Variants in DAPK2 observed in about 807,000 individuals in gnomAD.
DAPK2 encodes death-associated protein kinase 2.
Under a neutral mutation model 44.1 loss-of-function variants are expected in DAPK2, and 35 were observed. The ratio of observed to expected loss-of-function variants is 0.79; its 90% CI spans 0.61 to 1.05. The LOEUF (loss-of-function observed/expected upper bound fraction) is 1.05, where lower values mean the gene tolerates loss of function less well. Ranked by LOEUF, DAPK2 falls within the 50% of genes least tolerant of loss-of-function variation. The pLI, the probability that DAPK2 is intolerant of heterozygous loss-of-function variation, is 0.00. For synonymous variants in DAPK2, 174 were observed against 182.6 expected, an observed-to-expected ratio of 0.95 and a Z score of 0.38; for missense variants, 453 against 483.2, an observed-to-expected ratio of 0.94 and a Z score of 0.59.
At chr15:63,969,945 G>A (rs560429083) in intron 3 of DAPK2, among the ~76,000 whole-genome samples, 4 of 152,272 alleles carry the variant, frequency 2.6e-5, no homozygotes, top group South Asian at 2.1e-4. Flanking sequence ...CAGAACTTGG[G>A]TGTCATCCAG....
intron 1 of DAPK2, among the ~76,000 whole-genome samples, chr15:64,025,844 G>A (rs918995508): frequency 1.3e-5 from 2 of 152,128 alleles, no homozygotes; most frequent in Non-Finnish European, 2.9e-5. Context: ...TGGAAATATG[G>A]ATATTGCGGG....
In DAPK2 at chr15:63,930,412, G is replaced by A. The variant is rs769949444; in HGVS notation, c.627C>T (p.Asp209=). 4 of 1,614,088 alleles carry A rather than the reference G, an allele frequency of 2.5e-6. No homozygotes were observed. In the African/African-American group the frequency reaches 5.3e-5, roughly 22 times the overall value. Residue 209 remains aspartate (D), a synonymous_variant, in exon 5 of 11, where the codon GAC becomes GAT. Transcript: ENST00000261891. ...GAGTGGCCTATCCAACTTACCACAT[G>A]TCAGCCTCCAGACCCAGGGGCTCGT...
chr15:64,003,804 C>A (rs1056696163), intron 1 of DAPK2, among the ~76,000 whole-genome samples: 1 of 152,188 alleles, frequency 6.6e-6, no homozygotes, highest in African/African-American at 2.4e-5. Flanking sequence ...CGGGGTTTCA[C>A]CACGTTGGTC....
At chr15:63,943,107 C>T (rs1567222211) in intron 3 of DAPK2, among the ~76,000 whole-genome samples, 2 of 26,686 alleles carry the variant, frequency 7.5e-5, no homozygotes, top group African/African-American at 1.8e-4. Flanking sequence ...GTTATCATTC[C>T]TTTTGCAAAA....
chr15:63,929,510 G>T, intron 6 of DAPK2, 41 bp downstream of exon 7: 10 of 1,613,336 alleles, frequency 6.2e-6, no homozygotes, highest in Non-Finnish European at 8.5e-6. Context: ...GGTTCCCCCA[G>T]ATCTAAGCTG....
rs1279537698 is a variant in DAPK2, at chr15:64,020,123, C to T, written c.92+20047G>A. On this transcript the variant is annotated intron_variant, in intron 1 of 10. Transcript: ENST00000261891. The surrounding 1 kb of genome is among the most constrained non-coding windows in gnomAD (Gnocchi z 4.5). ...CCCAGCTGAGTAGACAGCCCATGGC[C>T]CAGTAAGAACACTTCACATAATCAT... is the stretch of plus-strand genomic sequence containing the variant. 1.3e-5 allele frequency among the ~76,000 whole-genome samples: 2 copies of T among 152,076 alleles called. No homozygotes were observed. The highest frequency in any genetic ancestry group is 4.8e-5 in the African/African-American group (2 of 41,390).
In DAPK2 at chr15:64,020,390, T is replaced by C. The variant is rs556468184; in HGVS notation, c.92+19780A>G. Among the ~76,000 whole-genome samples the C allele has an allele frequency of 2.0e-5, 3 of 152,314 alleles. No homozygotes were observed. The East Asian group carries it at 5.8e-4, about 29-fold the overall frequency. On this transcript the variant is annotated intron_variant, in intron 1 of 10. Transcript: ENST00000261891. The surrounding 1 kb of genome is among the most constrained non-coding windows in gnomAD (Gnocchi z 4.5). ...TGGAAACTGGGCACTTGCTCTGAAATGGTCAATTTCACAGGGGTCTTCCCC... is the reference window on the plus strand; with the variant it reads ...TGGAAACTGGGCACTTGCTCTGAAACGGTCAATTTCACAGGGGTCTTCCCC...
intron 1 of DAPK2, among the ~76,000 whole-genome samples, chr15:64,025,606 G>T (rs1425959583): frequency 6.6e-6 from 1 of 152,212 alleles, no homozygotes; most frequent in Non-Finnish European, 1.5e-5. Flanking sequence ...TACTGGAGTA[G>T]ATCAGGAGTA....
chr15:63,923,517 G>C lies in DAPK2; in HGVS notation c.858+1299C>G, dbSNP rs1418893345. ...CTCCTTAGGCCATAAGTGAGGTCAA[G>C]GAGTGTGGGGGTGCTGTCTGCATGC... On this transcript the variant is annotated intron_variant, in intron 8 of 10. Transcript: ENST00000261891. This position sits in a 1 kb window ranked among gnomAD's most constrained non-coding sequence, Gnocchi z 4.2. 1.3e-5 allele frequency among the ~76,000 whole-genome samples: 2 copies of C among 152,228 alleles called. No individual in the cohort carries two copies. The highest frequency in any genetic ancestry group is 2.4e-5 in the African/African-American group (1 of 41,466).
At chr15:64,042,936 C>T (rs2080382169), upstream of DAPK2, among the ~76,000 whole-genome samples, 1 of 152,192 alleles carries the variant, frequency 6.6e-6, no homozygotes. The surrounding 1 kb of genome is among the most constrained non-coding windows in gnomAD (Gnocchi z 4.7). Flanking sequence ...TCAAGTTCTC[C>T]CAGAGTGCTC....
intron 1 of DAPK2, among the ~76,000 whole-genome samples, chr15:63,988,652 C>T (rs949128158): frequency 4.0e-5 from 6 of 151,374 alleles, no homozygotes; most frequent in African/African-American, 9.7e-5. Context: ...TTACAGGCAC[C>T]GCGACCATGG....
intron 1 of DAPK2, chr15:63,991,184 AG>A (rs1314621241): frequency 6.6e-6 from 3 of 455,260 alleles, no homozygotes; most frequent in Non-Finnish European, 1.3e-5. Flanking sequence ...GAAACAGGTC[AG>A]GGTTTTAGGC....
intron 3 of DAPK2, among the ~76,000 whole-genome samples, chr15:63,957,115 T>C (rs551535397): frequency 2.0e-5 from 3 of 152,392 alleles, no homozygotes; most frequent in Non-Finnish European, 4.4e-5. Flanking sequence ...GTTGGATGCA[T>C]ACATATTTAC....
chr15:63,986,375 C>T (rs2078668779), intron 1 of DAPK2, among the ~76,000 whole-genome samples: 1 of 152,232 alleles, frequency 6.6e-6, no homozygotes, highest in South Asian at 2.1e-4. Flanking sequence ...CATCCAGAGA[C>T]ATAAGTCACT....
rs200802735 is a variant in DAPK2 at position 64,000,171 on chromosome 15, T to TACTACC, written c.93-16418_93-16417insGGTAGT. ...TGATACAAAGCACTTGCCTGACTAC[T>TACTACC]ACTACTACTACTACTACACACACAC... On this transcript the variant is annotated intron_variant, in intron 1 of 10. Transcript: ENST00000261891. 2.7e-3 allele frequency among the ~76,000 whole-genome samples: 348 copies of TACTACC among 129,928 alleles called. 1 individual carries two copies. Among genetic ancestry groups the TACTACC allele is most frequent in the African/African-American group, 9.6e-3 (334 of 34,876 alleles). 85.2% of individuals were successfully genotyped at this position (129,928 alleles called of 152,430 possible). A position where few individuals can be genotyped will look rare whatever the true frequency, so the allele number is the denominator to read the frequency against.
intron 1 of DAPK2, among the ~76,000 whole-genome samples, chr15:64,000,728 T>C (rs2140962528): frequency 6.6e-6 from 1 of 152,106 alleles, no homozygotes; most frequent in Non-Finnish European, 1.5e-5. Flanking sequence ...GTAGAGGTCT[T>C]TGGGGTGCTG....
chr15:63,929,605 G>T, intron 5 of DAPK2, 28 bp from the exon 7 acceptor site: 1 of 1,613,678 alleles, frequency 6.2e-7, no homozygotes, highest in Middle Eastern at 1.6e-4. Context: ...GTCAAGTCAG[G>T]GCCACCTGGG....
chr15:63,982,977 G>A (rs1019870317), intron 2 of DAPK2, among the ~76,000 whole-genome samples: 2 of 152,186 alleles, frequency 1.3e-5, no homozygotes, highest in East Asian at 1.9e-4. Context: ...GATAGAAAGC[G>A]CCTAGCAAAT....
At chr15:63,953,783 TACTG>T (rs1226278323) in intron 3 of DAPK2, among the ~76,000 whole-genome samples, 5 of 152,196 alleles carry the variant, frequency 3.3e-5, no homozygotes, top group Non-Finnish European at 7.4e-5. Flanking sequence ...ACCAGCATGT[TACTG>T]ACTGTCTTTT....
Sources: allele counts gnomAD v4.1 joint callset (sites outside exome capture counted in the v4.1 genomes callset), GRCh38; gene constraint gnomAD v4.1.1; non-coding constraint Gnocchi (gnomAD v3.1); transcripts MANE v1.5; gene names NCBI Gene and HGNC (gene_info 2026-07-23, HGNC 2026-07-21).